The following ACTR10 variants were observed in gnomAD, a reference collection of about 807,000 sequenced individuals.
ACTR10 encodes the protein actin-related protein 10.
Under a neutral mutation model 56.2 loss-of-function variants are expected in ACTR10, and 43 were observed. The observed-to-expected ratio is 0.77, with a 90% confidence interval of 0.60 to 0.99. The LOEUF is 0.99. Among genes scored for constraint, ACTR10 ranks in the 50% least tolerant of loss-of-function variants. The pLI is 0.00. For synonymous variants in ACTR10, 170 were observed against 176.3 expected (o/e 0.96, Z 0.28); for missense variants, 466 against 507.8 (o/e 0.92, Z 0.79).
intron 2 of ACTR10, among the ~76,000 whole-genome samples, chr14:58,203,394 C>T (rs935588957): frequency 1.3e-5 from 2 of 150,498 alleles, no homozygotes; most frequent in South Asian, 2.1e-4. Flanking sequence ...TTTAAATCAA[C>T]TTTATCAAGG....
chr14:58,230,574 A>G (rs1054769301), intron 11 of ACTR10, 94 bp downstream of exon 11: 16 of 515,408 alleles, frequency 3.1e-5, no homozygotes, highest in African/African-American at 3.0e-4. Context: ...TCCTTGTCAC[A>G]TATTATTTTT....
intron 10 of ACTR10, among the ~76,000 whole-genome samples, chr14:58,228,681 CTTTTTT>C (rs35498207): frequency 0.018 from 729 of 40,518 alleles, 7 homozygotes; most frequent in Non-Finnish European, 0.022. Flanking sequence ...GCAAGACAGA[CTTTTTT>C]TTTTTTTTTT....
intron 10 of ACTR10, among the ~76,000 whole-genome samples, chr14:58,229,673 G>A (rs1889484761): frequency 8.3e-6 from 1 of 119,794 alleles, no homozygotes; most frequent in South Asian, 2.6e-4. Context: ...GCAAGACTCT[G>A]TATCAAAAAA....
chr14:58,205,301 A>G (rs1692040606), intron 2 of ACTR10, among the ~76,000 whole-genome samples: 1 of 151,374 alleles, frequency 6.6e-6, no homozygotes, highest in Non-Finnish European at 1.5e-5. Context: ...TGGCATTTAC[A>G]TACATCAGAA....
At position 58,207,903 on chromosome 14, in the gene ACTR10, T is replaced by C. The variant is rs558397706; in HGVS notation, c.151-33T>C. On this transcript the variant is annotated intron_variant, in intron 2 of 12. Coordinates refer to ENST00000254286, the MANE Select transcript of ACTR10 (RefSeq NM_018477.3). ...TCTTAATTTGAGGTTATTTTATTAATATAAATTAATAAATCATTTTAATTT... is the reference window on the plus strand; with the variant it reads ...TCTTAATTTGAGGTTATTTTATTAACATAAATTAATAAATCATTTTAATTT... The C allele has an allele frequency of 3.5e-4, 427 of 1,232,222 alleles. 4 individuals are homozygous for C. In the African/African-American group the frequency reaches 5.8e-3, roughly 17 times the overall value. The allele number at this position is 1,232,222 out of a possible 1,614,324, so 76.3% of individuals were successfully genotyped here. A position where few individuals can be genotyped will look rare whatever the true frequency, so the allele number is the denominator to read the frequency against.
intron 11 of ACTR10, among the ~76,000 whole-genome samples, chr14:58,230,683 G>A (rs1032950536): frequency 2.0e-5 from 3 of 151,090 alleles, no homozygotes; most frequent in Admixed American, 6.6e-5. Context: ...AAATTTTATA[G>A]TTCATGAGTT....
chr14:58,220,397 G>A (rs748902178), intron 8 of ACTR10, among the ~76,000 whole-genome samples: 7 of 152,132 alleles, frequency 4.6e-5, no homozygotes, highest in African/African-American at 2.4e-5. Flanking sequence ...AGTAGGTAGG[G>A]TTAGAGCTCA....
At chr14:58,220,846 T>A (rs538107058) in intron 8 of ACTR10, among the ~76,000 whole-genome samples, 3 of 152,358 alleles carry the variant, frequency 2.0e-5, no homozygotes, top group African/African-American at 4.8e-5. Flanking sequence ...AAAAGTGTTA[T>A]TGCATGAAGT....
In ACTR10 at chr14:58,230,362, AC is replaced by A; in HGVS notation, c.789-36del. 4.1e-6 allele frequency: 5 copies of A among 1,225,524 alleles called. No individual in the cohort carries two copies. The South Asian group carries it at 6.9e-5, about 17-fold the overall frequency. 75.9% of individuals were successfully genotyped at this position (1,225,524 alleles called of 1,614,324 possible). On this transcript the variant is annotated intron_variant, in intron 10 of 12. Coordinates refer to ENST00000254286, the MANE Select transcript of ACTR10 (RefSeq NM_018477.3). ...ATTCTGTGTAATATTATAATACGTGACACCAACAGAAAGCTCTCTTTTTCAA... is the reference window on the plus strand; with the variant it reads ...ATTCTGTGTAATATTATAATACGTGAACCAACAGAAAGCTCTCTTTTTCAA...
chr14:58,217,496 T>C (rs149334816), intron 7 of ACTR10, among the ~76,000 whole-genome samples: 312 of 152,018 alleles, frequency 2.1e-3, no homozygotes, highest in African/African-American at 7.3e-3. Flanking sequence ...GGTGAAACCC[T>C]GTTTCTACAT....
chr14:58,204,440 A>C (rs1328042006), intron 2 of ACTR10, among the ~76,000 whole-genome samples: 2 of 152,070 alleles, frequency 1.3e-5, no homozygotes, highest in Non-Finnish European at 2.9e-5. Context: ...GTCCCCAGCT[A>C]CTTGGGAGGC....
intron 10 of ACTR10, among the ~76,000 whole-genome samples, chr14:58,224,926 T>G (rs1336160921): frequency 1.3e-5 from 2 of 151,640 alleles, no homozygotes; most frequent in Non-Finnish European, 1.5e-5. Flanking sequence ...GAGGCAGAGG[T>G]TGTGGTGAGC....
intron 10 of ACTR10, among the ~76,000 whole-genome samples, chr14:58,226,425 CT>C (rs1889402657): frequency 9.1e-6 from 1 of 110,120 alleles, no homozygotes; most frequent in Non-Finnish European, 1.8e-5. Flanking sequence ...TCTCTATTTT[CT>C]TTAAAAAAAA....
At chr14:58,203,027 C>T in intron 2 of ACTR10, 100 bp downstream of exon 2, 1 of 799,536 alleles carries the variant, frequency 1.3e-6, no homozygotes. Context: ...AAAGGCCAGC[C>T]GTGGTGGCTC....
chr14:58,202,397 C>G (rs1482873071), intron 1 of ACTR10, among the ~76,000 whole-genome samples: 1 of 149,578 alleles, frequency 6.7e-6, no homozygotes, highest in African/African-American at 2.5e-5. Context: ...CTGGCTAACA[C>G]GGTGAAACCT....
chr14:58,207,800 AT>A (rs1888903115), intron 2 of ACTR10, 135 bp from the exon 3 acceptor site: 1 of 445,418 alleles, frequency 2.2e-6, no homozygotes, highest in Non-Finnish European at 3.5e-6. Context: ...ATTACTCTGT[AT>A]TTAATTTTTA....
chr14:58,217,665 CA>C (rs1387060445), intron 7 of ACTR10, among the ~76,000 whole-genome samples: 2,154 of 76,564 alleles, frequency 0.028, 40 homozygotes, highest in African/African-American at 0.084. Context: ...GACTCCGTCT[CA>C]AAAAAAAAAA....
chr14:58,211,447 A>G lies in ACTR10; in HGVS notation c.450+48A>G, dbSNP rs201117768. On this transcript the variant is annotated intron_variant, in intron 5 of 12. Transcript: ENST00000254286. ...ACCTTTGCAGTTTTTACTCTACTTTAACTAAAATAATTAGGCTAATTATAA... is the reference window on the plus strand; with the variant it reads ...ACCTTTGCAGTTTTTACTCTACTTTGACTAAAATAATTAGGCTAATTATAA... The G allele has an allele frequency of 1.5e-4, 201 of 1,308,260 alleles. 1 individual carries two copies. The African/African-American group carries it at 2.8e-3, about 18-fold the overall frequency. 81.0% of individuals were successfully genotyped at this position (1,308,260 alleles called of 1,614,324 possible).
rs148880317 is a variant in ACTR10, at chr14:58,230,821, C to T, written c.870+341C>T. On this transcript the variant is annotated intron_variant, in intron 11 of 12. Coordinates refer to ENST00000254286, the MANE Select transcript of ACTR10 (RefSeq NM_018477.3). The stretch of plus-strand genomic sequence containing the variant: ...TGTCACCCAGGCTGGAGTGCAGTGG[C>T]GCGATCTCAGCTCACTGCAGCCTCT... 9.2e-3 allele frequency among the ~76,000 whole-genome samples: 1,389 copies of T among 151,030 alleles called. 22 individuals carry two copies. Among genetic ancestry groups the T allele is most frequent in the Non-Finnish European group, 0.012 (821 of 67,832 alleles).
Sources: allele counts gnomAD v4.1 joint callset (sites outside exome capture counted in the v4.1 genomes callset), GRCh38; gene constraint gnomAD v4.1.1; transcripts MANE v1.5; gene names NCBI Gene and HGNC (gene_info 2026-07-23, HGNC 2026-07-21).